Variants in NRG1 observed in about 807,000 individuals in gnomAD.
NRG1 encodes neuregulin 1.
Under a neutral mutation model 63.8 loss-of-function variants are expected in NRG1, and 18 were observed. The ratio of observed to expected loss-of-function variants is 0.28; its 90% confidence interval spans 0.19 to 0.42. The LOEUF is 0.42. NRG1 is among the 10% of genes least tolerant of loss of function. The pLI is 1.00. For synonymous variants in NRG1, 302 were observed against 301.3 expected (o/e 1.00, Z -0.02); for missense variants, 762 against 814.7 (o/e 0.94, Z 0.79).
chr8:32,417,739 G>T (rs780815441), intron 1 of NRG1, among the ~76,000 whole-genome samples: 1 of 150,946 alleles, frequency 6.6e-6, no homozygotes, highest in Non-Finnish European at 1.5e-5. Context: ...GAGGGGGAGG[G>T]GGGGTGTGTT....
At chr8:31,886,827 C>T (rs891005462) in intron 1 of NRG1, among the ~76,000 whole-genome samples, 1 of 152,108 alleles carries the variant, frequency 6.6e-6, no homozygotes, top group South Asian at 2.1e-4. Flanking sequence ...CAGTGAGAAA[C>T]CTGTCACTAA....
intron 1 of NRG1, among the ~76,000 whole-genome samples, chr8:31,805,545 C>T (rs1421729066): frequency 6.6e-6 from 1 of 151,732 alleles, no homozygotes; most frequent in Non-Finnish European, 1.5e-5. Context: ...GAAGTGAATA[C>T]CGGCCGGGCG....
intron 1 of NRG1, among the ~76,000 whole-genome samples, chr8:32,240,856 T>C (rs1476888132): frequency 6.6e-6 from 1 of 152,030 alleles, no homozygotes; most frequent in Non-Finnish European, 1.5e-5. Context: ...TAATCAATTA[T>C]ATGAGAAAAA....
At chr8:32,396,705 C>T (rs1426704691) in intron 1 of NRG1, among the ~76,000 whole-genome samples, 6 of 152,164 alleles carry the variant, frequency 3.9e-5, no homozygotes, top group Admixed American at 2.0e-4. Context: ...CCCTCGGCCT[C>T]CCAAAGTACT....
rs143693499 is a variant in NRG1 at position 32,239,124 on chromosome 8, A to C, written c.38-356704A>C. ...TACTCTAAATCTGATGAAACAGAGC[A>C]GTAAGAATTTCTTAGGATATAGCTT... On this transcript the variant is annotated intron_variant, in intron 1 of 10. Coordinates refer to the NRG1 transcript ENST00000519301. 5.9e-5 allele frequency among the ~76,000 whole-genome samples: 9 copies of C among 152,332 alleles called. No individual in the cohort carries two copies. In the East Asian group the frequency reaches 1.5e-3, roughly 26 times the overall value.
intron 1 of NRG1, among the ~76,000 whole-genome samples, chr8:32,367,639 T>C (rs1319392346): frequency 6.6e-6 from 1 of 152,204 alleles, no homozygotes; most frequent in African/African-American, 2.4e-5. Context: ...GTCTCTTCAC[T>C]ATGTTGATTG....
At chr8:32,197,455 A>T (rs779627465) in intron 1 of NRG1, among the ~76,000 whole-genome samples, 43 of 152,302 alleles carry the variant, frequency 2.8e-4, no homozygotes, top group Non-Finnish European at 5.4e-4. Flanking sequence ...ATTGCTGCCT[A>T]CACACCCATG....
At chr8:32,589,797 A>G (rs1842205292) in intron 1 of NRG1, among the ~76,000 whole-genome samples, 1 of 152,264 alleles carries the variant, frequency 6.6e-6, no homozygotes, top group Admixed American at 6.5e-5. Flanking sequence ...TAGATGATCA[A>G]AACAAGAGGA....
chr8:32,152,447 A>G (rs998021410), intron 1 of NRG1, among the ~76,000 whole-genome samples: 1 of 152,238 alleles, frequency 6.6e-6, no homozygotes, highest in African/African-American at 2.4e-5. Context: ...AGTCATCTGT[A>G]AGTACTCTAT....
chr8:32,764,494 A>G lies in NRG1; in HGVS notation c.*92A>G, dbSNP rs958987086. ...ATTAAACAATTTATTTTATTTTAGC[A>G]GTTCTGCAAATAGAAAACAGGAAAA... On this transcript the variant is annotated 3_prime_UTR_variant, in exon 12 of 12. Transcript: ENST00000356819. 6 of 1,169,354 alleles carry G rather than the reference A, an allele frequency of 5.1e-6. No homozygotes were observed. In the Admixed American group the frequency reaches 1.0e-4, roughly 20 times the overall value. 72.4% of individuals were successfully genotyped at this position (1,169,354 alleles called of 1,614,324 possible). A position where few individuals can be genotyped will look rare whatever the true frequency, so the allele number is the denominator to read the frequency against.
chr8:32,478,111 T>A (rs13267202), intron 1 of NRG1, among the ~76,000 whole-genome samples: 8,027 of 152,334 alleles, frequency 0.053, 285 homozygotes, highest in Middle Eastern at 0.085. Context: ...CCCAGGCAAA[T>A]GAGAAATAAA....
Position 32,685,646 on chromosome 8 carries a change from A to G in NRG1, c.503-42303A>G, listed in dbSNP as rs140935053. 2.1e-3 allele frequency among the ~76,000 whole-genome samples: 313 copies of G among 152,344 alleles called. 1 individual carries two copies. The highest frequency in any genetic ancestry group is 7.1e-3 in the African/African-American group (295 of 41,578). Reference sequence around the variant, plus strand: ...TAACGTTCTTTTCAACTTTAAAATAATAATAAGAAAAAATATCTACCAAGA... The same window carrying G: ...TAACGTTCTTTTCAACTTTAAAATAGTAATAAGAAAAAATATCTACCAAGA... On this transcript the variant is annotated intron_variant, in intron 5 of 11. Coordinates refer to ENST00000356819, the Ensembl canonical transcript of NRG1.
At chr8:32,408,001 T>C (rs1041744520) in intron 1 of NRG1, among the ~76,000 whole-genome samples, 3 of 152,158 alleles carry the variant, frequency 2.0e-5, no homozygotes, top group Non-Finnish European at 2.9e-5. Flanking sequence ...CATTTCCTTT[T>C]TATGCCTGCA....
At chr8:32,653,948 G>A (rs899302967) in intron 5 of NRG1, among the ~76,000 whole-genome samples, 1 of 150,532 alleles carries the variant, frequency 6.6e-6, no homozygotes, top group African/African-American at 2.4e-5. Flanking sequence ...GAATTTTATC[G>A]TGTGTATGCG....
At chr8:32,536,050 T>C (rs1831933504) in intron 1 of NRG1, among the ~76,000 whole-genome samples, 1 of 152,244 alleles carries the variant, frequency 6.6e-6, no homozygotes, top group African/African-American at 2.4e-5. Flanking sequence ...ACAATTGCCA[T>C]GTAACACATT....
Position 31,971,537 on chromosome 8 carries a change from G to GA in NRG1, c.37+332115dup, listed in dbSNP as rs905014220. 1.5e-3 allele frequency among the ~76,000 whole-genome samples: 216 copies of GA among 148,896 alleles called. 1 individual carries two copies. The highest frequency in any genetic ancestry group is 4.4e-3 in the African/African-American group (180 of 40,666). On this transcript the variant is annotated intron_variant, in intron 1 of 10. Coordinates refer to the NRG1 transcript ENST00000519301. The stretch of plus-strand genomic sequence containing the variant: ...GCATTTAATAATCTTTTCTGAAAAG[G>GA]AAAAAAAAATGCCTACATTTGAAAC...
At chr8:32,423,221 T>C (rs1816914044) in intron 1 of NRG1, among the ~76,000 whole-genome samples, 1 of 152,206 alleles carries the variant, frequency 6.6e-6, no homozygotes, top group African/African-American at 2.4e-5. Context: ...GTTTTAAAGG[T>C]TATTGTCTCC....
At chr8:31,697,882 TTCTC>T (rs1193205220) in intron 1 of NRG1, among the ~76,000 whole-genome samples, 1 of 149,426 alleles carries the variant, frequency 6.7e-6, no homozygotes, top group Non-Finnish European at 1.5e-5. Context: ...TTCCTTCTCT[TTCTC>T]TCTTTCTTTC....
At chr8:32,128,219 AAAG>A (rs796351376) in intron 1 of NRG1, among the ~76,000 whole-genome samples, 90 of 152,000 alleles carry the variant, frequency 5.9e-4, no homozygotes, top group African/African-American at 2.1e-3. Context: ...TTGCGGAGAA[AAAG>A]AAGAGTCCCA....
Sources: allele counts gnomAD v4.1 joint callset (sites outside exome capture counted in the v4.1 genomes callset), GRCh38; gene constraint gnomAD v4.1.1; transcripts MANE v1.5; gene names NCBI Gene and HGNC (gene_info 2026-07-23, HGNC 2026-07-21).